The following AFF3 variants were observed in gnomAD, a reference collection of about 807,000 sequenced individuals.
The protein encoded by AFF3 is AF4/FMR2 family member 3.
AFF3 carries 32 observed loss-of-function variants against 129.7 expected under a neutral mutation model. That is an observed-to-expected ratio of 0.25 (90% confidence interval 0.19 to 0.33). The LOEUF (loss-of-function observed/expected upper bound fraction) is 0.33. Ranked by LOEUF, AFF3 falls within the 10% of genes least tolerant of loss-of-function variation. The pLI is 1.00. For synonymous variants in AFF3, 644 were observed against 635.4 expected, an observed-to-expected ratio of 1.01 and a Z score of -0.20; for missense variants, 1,373 against 1,592.0, an observed-to-expected ratio of 0.86 and a Z score of 2.34.
chr2:99,908,778 C>G (rs1258585520), intron 7 of AFF3, among the ~76,000 whole-genome samples: 3 of 152,164 alleles, frequency 2.0e-5, no homozygotes, highest in Non-Finnish European at 2.9e-5. Context: ...CAATGAGATA[C>G]CATCTCACAC....
Position 99,601,429 on chromosome 2 carries a change from G to T in AFF3, c.1371+6C>A. The T allele has an allele frequency of 6.3e-7, 1 of 1,597,656 alleles. No homozygotes were observed. Among genetic ancestry groups the T allele is most frequent in the Non-Finnish European group, 8.5e-7 (1 of 1,170,618 alleles). On this transcript the variant is annotated splice_donor_region_variant and intron_variant, in intron 14 of 24. Coordinates refer to ENST00000672756, the MANE Select transcript of AFF3 (RefSeq NM_001386135.1). ...AGAGGAGAGGCCTGAGCCAGGCAGC[G>T]CTTACCTCGGGGCTGGAGAAGTGGG...
At chr2:99,716,658 G>A (rs1228795080) in intron 11 of AFF3, among the ~76,000 whole-genome samples, 7 of 151,884 alleles carry the variant, frequency 4.6e-5, no homozygotes, top group South Asian at 2.1e-4. Context: ...CAAGGTGGGC[G>A]GATCACTAGA....
At chr2:100,080,308 T>G (rs955518804) in intron 4 of AFF3, among the ~76,000 whole-genome samples, 1 of 152,226 alleles carries the variant, frequency 6.6e-6, no homozygotes, top group Non-Finnish European at 1.5e-5. Context: ...TATTAGTAGT[T>G]AGATGTTTAT....
Position 99,593,435 on chromosome 2 carries a change from G to C in AFF3, c.2226C>G (p.Phe742Leu). ...SDIAKELEEQFYTLVPFGRNE... is the reference protein window; with the variant it reads ...SDIAKELEEQLYTLVPFGRNE... ...TCCGGCCAAAGGGGACCAGTGTGTA[G>C]AACTGCTCCTCCAGCTCCTTGGCGA... is the stretch of plus-strand genomic sequence containing the variant. Residue 742 changes from phenylalanine (F) to leucine (L), a missense_variant, in exon 15 of 25, where the codon TTC becomes TTG. Transcript: ENST00000672756. The C allele has an allele frequency of 1.2e-6, 2 of 1,613,904 alleles. No homozygotes were observed. Among genetic ancestry groups the C allele is most frequent in the Middle Eastern group, 1.6e-4 (1 of 6,062 alleles).
intron 8 of AFF3, among the ~76,000 whole-genome samples, chr2:99,792,420 C>T (rs770711371): frequency 1.6e-4 from 25 of 152,034 alleles, no homozygotes; most frequent in African/African-American, 5.6e-4. Flanking sequence ...TACAGTGAGC[C>T]GTGATTGAGC....
At chr2:100,034,349 C>T (rs1477928957) in intron 4 of AFF3, among the ~76,000 whole-genome samples, 1 of 152,058 alleles carries the variant, frequency 6.6e-6, no homozygotes, top group African/African-American at 2.4e-5. Flanking sequence ...AGAATTAAGA[C>T]TTAAATGCAA....
intron 20 of AFF3, among the ~76,000 whole-genome samples, chr2:99,560,724 T>G (rs1218021855): frequency 6.6e-6 from 1 of 152,236 alleles, no homozygotes; most frequent in Non-Finnish European, 1.5e-5. Flanking sequence ...GAACTATTCA[T>G]GTATATGCTA....
chr2:99,776,289 G>A (rs938460961), intron 8 of AFF3, among the ~76,000 whole-genome samples: 4 of 152,174 alleles, frequency 2.6e-5, no homozygotes, highest in African/African-American at 9.7e-5. Context: ...AAAAATCACA[G>A]AAGAGTAGGG....
At chr2:99,740,901 C>G (rs1226026770) in intron 10 of AFF3, among the ~76,000 whole-genome samples, 2 of 152,230 alleles carry the variant, frequency 1.3e-5, no homozygotes, top group African/African-American at 4.8e-5. Context: ...AATAGTAATG[C>G]CTAGGTTTTC....
intron 10 of AFF3, among the ~76,000 whole-genome samples, chr2:99,732,619 A>G (rs1679926745): frequency 6.6e-6 from 1 of 152,186 alleles, no homozygotes; most frequent in African/African-American, 2.4e-5. Context: ...TATTGTATAA[A>G]TATACCAGTT....
At chr2:99,839,558 G>A (rs1269152496) in intron 7 of AFF3, among the ~76,000 whole-genome samples, 1 of 151,810 alleles carries the variant, frequency 6.6e-6, no homozygotes, top group Non-Finnish European at 1.5e-5. Context: ...CTATCCTAGT[G>A]GATAAGAAAT....
At position 99,802,242 on chromosome 2, in the gene AFF3, T is replaced by C. The variant is rs538880932; in HGVS notation, c.921+35235A>G. ...GAATACCTTAAACTTTTTTAATGGA[T>C]TTTTATCTTAAGAGAATATTAGAAA... is the stretch of plus-strand genomic sequence containing the variant. On this transcript the variant is annotated intron_variant, in intron 8 of 24. Transcript: ENST00000672756. Among the ~76,000 whole-genome samples, 4 of 152,330 alleles carry C rather than the reference T, an allele frequency of 2.6e-5. No homozygotes were observed. In the South Asian group the frequency reaches 8.3e-4, roughly 32 times the overall value.
At chr2:100,011,430 A>G in intron 4 of AFF3, 2 of 779,800 alleles carry the variant, frequency 2.6e-6, no homozygotes, top group Non-Finnish European at 2.4e-6. Context: ...TGTAAGATGG[A>G]GCAGGCAGGT....
At chr2:99,945,029 G>A (rs2106357945) in intron 7 of AFF3, among the ~76,000 whole-genome samples, 2 of 152,320 alleles carry the variant, frequency 1.3e-5, no homozygotes, top group Admixed American at 1.3e-4. Flanking sequence ...GGCACTGTTA[G>A]TGCTGGAGTA....
chr2:100,101,224 T>C (rs1266586463), intron 4 of AFF3, among the ~76,000 whole-genome samples: 7 of 152,198 alleles, frequency 4.6e-5, no homozygotes, highest in Non-Finnish European at 8.8e-5. Context: ...ATTGATTGTG[T>C]ATATTGATTA....
intron 10 of AFF3, among the ~76,000 whole-genome samples, chr2:99,737,859 A>C (rs1010473263): frequency 6.6e-6 from 1 of 151,696 alleles, no homozygotes; most frequent in Non-Finnish European, 1.5e-5. Context: ...TCTAGGCTGC[A>C]TTCTAGATAA....
intron 8 of AFF3, among the ~76,000 whole-genome samples, chr2:99,761,692 T>C (rs1191488204): frequency 6.6e-6 from 1 of 152,226 alleles, no homozygotes; most frequent in Non-Finnish European, 1.5e-5. Flanking sequence ...TAGGTTCAAC[T>C]AGAAAAAATT....
At chr2:99,792,421 G>A (rs537433052) in intron 8 of AFF3, among the ~76,000 whole-genome samples, 2 of 152,266 alleles carry the variant, frequency 1.3e-5, no homozygotes, top group South Asian at 2.1e-4. Context: ...ACAGTGAGCC[G>A]TGATTGAGCT....
At position 99,798,744 on chromosome 2, in the gene AFF3, C is replaced by T. The variant is rs146584375; in HGVS notation, c.921+38733G>A. Among the ~76,000 whole-genome samples the T allele has an allele frequency of 3.4e-3, 513 of 151,946 alleles. 3 individuals carry two copies. The highest frequency in any genetic ancestry group is 5.9e-3 in the Non-Finnish European group (401 of 67,838). ...TTGTCTAACGGACCAATCAATATGA[C>T]GTAAAAATCTAAATGCTTATGTGCC... On this transcript the variant is annotated intron_variant, in intron 8 of 24. Coordinates refer to ENST00000672756, the MANE Select transcript of AFF3 (RefSeq NM_001386135.1).
Sources: gnomAD v4.1 joint callset for allele counts (sites outside exome capture counted in the v4.1 genomes callset) on GRCh38, gnomAD v4.1.1 for gene constraint, MANE v1.5 for transcripts, NCBI Gene and HGNC (gene_info 2026-07-23, HGNC 2026-07-21) for gene names.